PPCDC: variants seen among roughly 807,000 people sequenced by gnomAD.
The protein encoded by PPCDC is phosphopantothenoylcysteine decarboxylase.
A neutral mutation model predicts 20.7 loss-of-function variants in PPCDC; 20 were observed. The observed-to-expected ratio is 0.97, with a 90% CI of 0.68 to 1.41. The LOEUF is 1.41. Among genes scored for constraint, PPCDC ranks in the 40% most tolerant of loss-of-function variants. PPCDC has a pLI of 0.00. For missense variants in PPCDC, 246 were observed against 263.8 expected (o/e 0.93, Z 0.47); for synonymous variants, 88 against 100.3 (o/e 0.88, Z 0.73).
At chr15:75,035,556 C>T (rs1428617070) in intron 2 of PPCDC, among the ~76,000 whole-genome samples, 5 of 152,132 alleles carry the variant, frequency 3.3e-5, no homozygotes, top group Admixed American at 6.6e-5. Flanking sequence ...CAACTGGTTT[C>T]GGGAAGGAAT....
chr15:75,029,794 G>GGGGA (rs1221098285), intron 2 of PPCDC, among the ~76,000 whole-genome samples: 1 of 152,168 alleles, frequency 6.6e-6, no homozygotes, highest in East Asian at 1.9e-4. Context: ...ACCACCCCCT[G>GGGGA]GGGAGGGAGG....
rs1481609579 is a variant in PPCDC, at chr15:75,039,119, AT to A, written c.136-4321del. On this transcript the variant is annotated intron_variant, in intron 2 of 5. Coordinates refer to ENST00000342932, the MANE Select transcript of PPCDC (RefSeq NM_021823.5). The stretch of plus-strand genomic sequence containing the variant: ...CTAGAGGACTCTCCTCAGATATCTG[AT>A]ACTCCTTGGCTGTTCTTATTTGGGT... Among the ~76,000 whole-genome samples, 4 of 152,166 alleles carry A rather than the reference AT, an allele frequency of 2.6e-5. No individual in the cohort carries two copies. In the South Asian group the frequency reaches 8.3e-4, roughly 32 times the overall value.
chr15:75,045,468 G>A (rs2066219704), intron 4 of PPCDC, among the ~76,000 whole-genome samples: 1 of 152,152 alleles, frequency 6.6e-6, no homozygotes, highest in African/African-American at 2.4e-5. Context: ...GCATGTATGC[G>A]GTAACTAGCA....
intron 2 of PPCDC, among the ~76,000 whole-genome samples, chr15:75,040,837 A>C (rs922640897): frequency 6.6e-6 from 1 of 151,368 alleles, no homozygotes; most frequent in Non-Finnish European, 1.5e-5. Flanking sequence ...TAATTTTTGT[A>C]TTTTTTGTAG....
chr15:75,042,783 G>T (rs779232331), intron 2 of PPCDC, among the ~76,000 whole-genome samples: 1 of 152,098 alleles, frequency 6.6e-6, no homozygotes, highest in Admixed American at 6.5e-5. Flanking sequence ...CCTGGTTTGC[G>T]TTAGTAATTT....
At chr15:75,044,354 C>T (rs1433851543) in intron 3 of PPCDC, 32 bp from the exon 4 acceptor site, 2 of 1,610,386 alleles carry the variant, frequency 1.2e-6, no homozygotes, top group Non-Finnish European at 1.7e-6. Context: ...CCTGCTTCCT[C>T]CACACTGACC....
At chr15:75,033,394 C>T (rs566691349) in intron 2 of PPCDC, among the ~76,000 whole-genome samples, 14 of 152,294 alleles carry the variant, frequency 9.2e-5, no homozygotes, top group African/African-American at 2.4e-4. Context: ...CAGTTTTTTC[C>T]TCTGGAGGTG....
At position 75,034,849 on chromosome 15, in the gene PPCDC, C is replaced by T. The variant is rs547811893; in HGVS notation, c.135+6396C>T. Among the ~76,000 whole-genome samples, 13 of 152,300 alleles carry T rather than the reference C, an allele frequency of 8.5e-5. No individual in the cohort carries two copies. The South Asian group carries it at 2.7e-3, about 32-fold the overall frequency. On this transcript the variant is annotated intron_variant, in intron 2 of 5. Transcript: ENST00000342932. ...GCATCATCACGCCCTACTAGAAACG[C>T]CTGCTCTCCAGCCACTCAGCTGCTA...
intron 2 of PPCDC, among the ~76,000 whole-genome samples, chr15:75,042,513 C>T (rs1346955027): frequency 6.6e-6 from 1 of 151,974 alleles, no homozygotes; most frequent in Non-Finnish European, 1.5e-5. Context: ...ATTAGCCAGG[C>T]GTGGTGGTGT....
chr15:75,043,568 T>C, intron 3 of PPCDC, 32 bp downstream of exon 3: 7 of 1,537,806 alleles, frequency 4.6e-6, no homozygotes, highest in Non-Finnish European at 6.2e-6. Context: ...CTGAGTTCCA[T>C]TGAGTTTCCA....
chr15:75,043,359 G>A (rs2066177936), intron 2 of PPCDC, 82 bp from the exon 3 acceptor site: 1 of 1,238,698 alleles, frequency 8.1e-7, no homozygotes, highest in East Asian at 2.5e-5. Flanking sequence ...TGCCTGCCCT[G>A]ACCCTCCTGT....
intron 2 of PPCDC, among the ~76,000 whole-genome samples, chr15:75,038,794 A>T (rs2141488348): frequency 6.6e-6 from 1 of 151,722 alleles, no homozygotes; most frequent in East Asian, 1.9e-4. Context: ...GGAACTCTTT[A>T]ATCGTCAGAT....
intron 1 of PPCDC, among the ~76,000 whole-genome samples, chr15:75,023,852 G>A (rs1487564062): frequency 6.6e-6 from 1 of 152,140 alleles, no homozygotes; most frequent in Admixed American, 6.5e-5. Context: ...GAGCAGGAGG[G>A]ACCCCCGAGC....
intron 2 of PPCDC, among the ~76,000 whole-genome samples, chr15:75,034,272 A>T (rs1049462938): frequency 6.6e-6 from 1 of 152,176 alleles, no homozygotes; most frequent in African/African-American, 2.4e-5. Context: ...TCTCTGCTCA[A>T]GCTCACCAAT....
intron 2 of PPCDC, among the ~76,000 whole-genome samples, chr15:75,032,651 C>G (rs940921827): frequency 6.6e-6 from 1 of 151,176 alleles, no homozygotes; most frequent in African/African-American, 2.4e-5. Flanking sequence ...AATGGGGTGG[C>G]TCTCTCTGTG....
chr15:75,028,539 G>T, intron 2 of PPCDC, 86 bp downstream of exon 2: 3 of 1,549,272 alleles, frequency 1.9e-6, no homozygotes, highest in Non-Finnish European at 2.6e-6. Flanking sequence ...TGCAGTACAT[G>T]CAATTTTCTT....
intron 2 of PPCDC, among the ~76,000 whole-genome samples, chr15:75,042,319 T>C (rs2066162658): frequency 6.6e-6 from 1 of 152,182 alleles, no homozygotes; most frequent in Admixed American, 6.5e-5. Context: ...AGCTACTTCC[T>C]CTGGGCCCCT....
intron 4 of PPCDC, 69 bp from the exon 5 acceptor site, chr15:75,048,484 G>A (rs1185248899): frequency 1.3e-6 from 2 of 1,565,906 alleles, no homozygotes; most frequent in African/African-American, 1.3e-5. Context: ...TGGCTGCAGG[G>A]TCTGGAGGGC....
At chr15:75,027,609 C>A (rs374062165) in intron 1 of PPCDC, among the ~76,000 whole-genome samples, 13 of 152,326 alleles carry the variant, frequency 8.5e-5, no homozygotes, top group Admixed American at 2.0e-4. Context: ...TCCCTTCCTG[C>A]CGCTTCCTTT....
Sources: gnomAD v4.1 joint callset for allele counts (sites outside exome capture counted in the v4.1 genomes callset) on GRCh38, gnomAD v4.1.1 for gene constraint, MANE v1.5 for transcripts, NCBI Gene and HGNC (gene_info 2026-07-23, HGNC 2026-07-21) for gene names.